SCAPER: variants seen among roughly 807,000 people sequenced by gnomAD.
SCAPER encodes the protein S-phase cyclin A associated protein in the ER, also known as S phase cyclin A-associated protein in the endoplasmic reticulum.
In SCAPER, 98 loss-of-function variants were observed where a neutral mutation model predicts 182.2. The observed-to-expected ratio is 0.54, with a 90% CI of 0.46 to 0.64. The LOEUF is 0.64. SCAPER is among the 30% of genes least tolerant of loss of function. SCAPER has a pLI of 0.00. For synonymous variants in SCAPER, 605 were observed against 564.6 expected (o/e 1.07, Z -1.01); for missense variants, 1,432 against 1,690.0 (o/e 0.85, Z 2.68).
chr15:76,645,083 A>G (rs1233614055), intron 21 of SCAPER, among the ~76,000 whole-genome samples: 2 of 152,180 alleles, frequency 1.3e-5, no homozygotes, highest in African/African-American at 4.8e-5. Flanking sequence ...AACAATACAT[A>G]TAACAACTAT....
chr15:76,719,492 T>C (rs1222383334), intron 17 of SCAPER, among the ~76,000 whole-genome samples: 4 of 152,156 alleles, frequency 2.6e-5, no homozygotes, highest in African/African-American at 7.2e-5. Context: ...AGGAGGGCTA[T>C]AGGTAATAAA....
chr15:76,635,487 G>A (rs1192517304), intron 21 of SCAPER, among the ~76,000 whole-genome samples: 1 of 152,142 alleles, frequency 6.6e-6, no homozygotes, highest in Admixed American at 6.5e-5. Flanking sequence ...AGGACGTGCT[G>A]TTTTAAGACG....
chr15:76,385,715 A>C (rs1236164308), intron 27 of SCAPER, among the ~76,000 whole-genome samples: 3 of 152,206 alleles, frequency 2.0e-5, no homozygotes, highest in African/African-American at 2.4e-5. Context: ...ACAAACAGGC[A>C]TGATGTTCTG....
Position 76,607,588 on chromosome 15 carries a change from C to A in SCAPER, c.2711+14176G>T, listed in dbSNP as rs150116113. Among the ~76,000 whole-genome samples, 1,244 of 152,290 alleles carry A rather than the reference C, an allele frequency of 8.2e-3. 13 individuals carry two copies. Among genetic ancestry groups the A allele is most frequent in the African/African-American group, 0.028 (1,180 of 41,558 alleles). ...TGCCTTGCTAGATTGGGGAAGTTCT[C>A]CTGGATAATATCCTGCAGAGTGTTT... On this transcript the variant is annotated intron_variant, in intron 22 of 31. Transcript: ENST00000563290.
At chr15:76,633,526 A>G (rs1219827167) in intron 21 of SCAPER, among the ~76,000 whole-genome samples, 3 of 152,202 alleles carry the variant, frequency 2.0e-5, no homozygotes, top group African/African-American at 7.2e-5. Context: ...GCAGGCAGAA[A>G]ACATTAAGAC....
In SCAPER at chr15:76,476,887, C is replaced by T. The variant is rs74922322; in HGVS notation, c.2955-5552G>A. ...GATATAAAAATTTACTTCAATTAAT[C>T]TCTTACTATTCTGTCCAATTTTCAA... is the stretch of plus-strand genomic sequence containing the variant. On this transcript the variant is annotated intron_variant, in intron 24 of 31. Coordinates refer to ENST00000563290, the MANE Select transcript of SCAPER (RefSeq NM_020843.4). Among the ~76,000 whole-genome samples, 1,365 of 145,746 alleles carry T rather than the reference C, an allele frequency of 9.4e-3. 23 individuals carry two copies. Among genetic ancestry groups the T allele is most frequent in the African/African-American group, 0.034 (1,326 of 39,340 alleles).
intron 4 of SCAPER, among the ~76,000 whole-genome samples, chr15:76,852,684 T>C (rs1425634447): frequency 6.6e-6 from 1 of 152,114 alleles, no homozygotes; most frequent in African/African-American, 2.4e-5. Flanking sequence ...GGGATCCAGC[T>C]AAGGCAATGT....
rs983770255 is a variant in SCAPER at position 76,686,134 on chromosome 15, A to G, written c.2508+15624T>C. Among the ~76,000 whole-genome samples, 8 of 152,196 alleles carry G rather than the reference A, an allele frequency of 5.3e-5. No individual in the cohort carries two copies. In the South Asian group the frequency reaches 1.7e-3, roughly 32 times the overall value. ...ATAAGAATATGAAAATCTAAGTTAAAAACTGTTATAGATATTTCCAATATA... is the reference window on the plus strand; with the variant it reads ...ATAAGAATATGAAAATCTAAGTTAAGAACTGTTATAGATATTTCCAATATA... On this transcript the variant is annotated intron_variant, in intron 20 of 31. Coordinates refer to ENST00000563290, the MANE Select transcript of SCAPER (RefSeq NM_020843.4).
intron 23 of SCAPER, among the ~76,000 whole-genome samples, chr15:76,564,436 C>T (rs2046875571): frequency 6.6e-6 from 1 of 151,934 alleles, no homozygotes; most frequent in Non-Finnish European, 1.5e-5. Context: ...GAATAAAATA[C>T]CTAGGAATAC....
intron 21 of SCAPER, among the ~76,000 whole-genome samples, chr15:76,637,802 GTATA>G (rs1306637043): frequency 1.4e-4 from 14 of 99,294 alleles, no homozygotes; most frequent in African/African-American, 1.7e-4. Context: ...GTGTGTGTAT[GTATA>G]TATATATTCC....
intron 21 of SCAPER, among the ~76,000 whole-genome samples, chr15:76,642,503 C>T (rs1285331754): frequency 2.0e-5 from 3 of 152,016 alleles, no homozygotes; most frequent in Non-Finnish European, 2.9e-5. Context: ...ATCTTGATTA[C>T]TTTTTCCTCA....
At chr15:76,685,668 T>C (rs529648431) in intron 20 of SCAPER, among the ~76,000 whole-genome samples, 1 of 152,236 alleles carries the variant, frequency 6.6e-6, no homozygotes, top group South Asian at 2.1e-4. Flanking sequence ...AAAACAATTC[T>C]CAACAGTTTT....
At chr15:76,875,083 CAG>C (rs2073044306) in intron 2 of SCAPER, among the ~76,000 whole-genome samples, 1 of 152,086 alleles carries the variant, frequency 6.6e-6, no homozygotes, top group Non-Finnish European at 1.5e-5. Flanking sequence ...TAAAAGAAAA[CAG>C]AAAATCTGAA....
At chr15:76,389,710 T>C (rs2043541624) in intron 27 of SCAPER, among the ~76,000 whole-genome samples, 3 of 140,144 alleles carry the variant, frequency 2.1e-5, no homozygotes, top group East Asian at 2.1e-4. Context: ...CCCAGCTACA[T>C]GGGGGGCTAA....
chr15:76,872,555 T>A (rs2072802080), intron 2 of SCAPER, among the ~76,000 whole-genome samples: 1 of 151,038 alleles, frequency 6.6e-6, no homozygotes, highest in Admixed American at 6.6e-5. Flanking sequence ...ACCTTTAAAG[T>A]ACTAAAAGAA....
At chr15:76,404,906 T>C (rs2044715583) in intron 26 of SCAPER, among the ~76,000 whole-genome samples, 1 of 152,190 alleles carries the variant, frequency 6.6e-6, no homozygotes, top group South Asian at 2.1e-4. Flanking sequence ...TATTTGAATA[T>C]TATTTTTCAA....
intron 22 of SCAPER, among the ~76,000 whole-genome samples, chr15:76,609,036 CCTA>C (rs1166408030): frequency 6.6e-6 from 1 of 152,200 alleles, no homozygotes; most frequent in Non-Finnish European, 1.5e-5. Context: ...CCGTCCTGCC[CCTA>C]CTGTCTGGCA....
intron 21 of SCAPER, among the ~76,000 whole-genome samples, chr15:76,653,863 A>G (rs1188664033): frequency 6.6e-6 from 1 of 152,216 alleles, no homozygotes; most frequent in Non-Finnish European, 1.5e-5. Flanking sequence ...CAAGTGGGAC[A>G]TAATTAAACT....
At chr15:76,879,411 C>G (rs1309345681) in intron 2 of SCAPER, among the ~76,000 whole-genome samples, 1 of 152,170 alleles carries the variant, frequency 6.6e-6, no homozygotes, top group Non-Finnish European at 1.5e-5. Context: ...AACAACTGAT[C>G]CAGAGGTGAG....
Sources: gnomAD v4.1 joint callset for allele counts (sites outside exome capture counted in the v4.1 genomes callset) on GRCh38, gnomAD v4.1.1 for gene constraint, MANE v1.5 for transcripts, NCBI Gene and HGNC (gene_info 2026-07-23, HGNC 2026-07-21) for gene names.